The following CEP128 variants were observed in gnomAD, a reference collection of about 807,000 sequenced individuals.
The protein encoded by CEP128 is centrosomal protein 128.
A neutral mutation model predicts 156.7 loss-of-function variants in CEP128; 132 were observed. That is an observed-to-expected ratio of 0.84 (90% CI 0.73 to 0.97). The LOEUF (loss-of-function observed/expected upper bound fraction) is 0.97. CEP128 is among the 50% of genes least tolerant of loss of function. The pLI, the probability that CEP128 is intolerant of heterozygous loss-of-function variation, is 0.00. For synonymous variants in CEP128, 469 were observed against 448.9 expected (o/e 1.04, Z -0.57); for missense variants, 1,252 against 1,281.9 (o/e 0.98, Z 0.36).
upstream of CEP128, among the ~76,000 whole-genome samples, chr14:80,944,369 TAGTG>T (rs1415199865): frequency 1.3e-5 from 2 of 152,166 alleles, no homozygotes; most frequent in Non-Finnish European, 1.5e-5. Context: ...GTTCTCATGA[TAGTG>T]AGTGAGTTCT....
At chr14:80,656,872 T>C (rs971259987) in intron 19 of CEP128, among the ~76,000 whole-genome samples, 5 of 152,148 alleles carry the variant, frequency 3.3e-5, no homozygotes, top group Non-Finnish European at 7.4e-5. Flanking sequence ...CCTAATATGA[T>C]ATAAACAGAG....
chr14:80,907,916 A>G (rs1883983090), intron 4 of CEP128, among the ~76,000 whole-genome samples: 2 of 152,230 alleles, frequency 1.3e-5, no homozygotes, highest in African/African-American at 4.8e-5. Flanking sequence ...AAGTCACTAC[A>G]GTGATTTTGA....
chr14:80,481,510 C>T (rs1450725689), intron 14 of CEP128, among the ~76,000 whole-genome samples: 2 of 152,196 alleles, frequency 1.3e-5, no homozygotes, highest in Non-Finnish European at 2.9e-5. Flanking sequence ...GGTTTGGTCT[C>T]TCTTAGCATT....
At chr14:80,685,884 C>T (rs1896505625) in intron 19 of CEP128, among the ~76,000 whole-genome samples, 1 of 152,038 alleles carries the variant, frequency 6.6e-6, no homozygotes, top group African/African-American at 2.4e-5. Context: ...ATAAATGATG[C>T]TGGAACAGCT....
chr14:80,508,038 C>T (rs969948382), intron 23 of CEP128, among the ~76,000 whole-genome samples: 7 of 152,194 alleles, frequency 4.6e-5, no homozygotes, highest in African/African-American at 1.4e-4. Flanking sequence ...CCTCAGCCCC[C>T]GCTAGTAGCT....
intron 13 of CEP128, chr14:80,830,775 C>A: frequency 5.1e-6 from 1 of 197,564 alleles, no homozygotes; most frequent in Non-Finnish European, 1.0e-5. Flanking sequence ...TGCATTCTGC[C>A]AGTTTCACCC....
chr14:80,779,404 T>C (rs1900978378), intron 15 of CEP128, among the ~76,000 whole-genome samples: 1 of 152,230 alleles, frequency 6.6e-6, no homozygotes, highest in Non-Finnish European at 1.5e-5. Flanking sequence ...AGCAATCCTA[T>C]ATTCACAGCC....
intron 19 of CEP128, among the ~76,000 whole-genome samples, chr14:80,590,561 A>G (rs1414174272): frequency 6.6e-6 from 1 of 152,116 alleles, no homozygotes; most frequent in East Asian, 1.9e-4. Flanking sequence ...AAATTAAGAT[A>G]ATTTATTGTC....
At chr14:80,743,644 A>G (rs1399027263) in intron 18 of CEP128, among the ~76,000 whole-genome samples, 1 of 152,232 alleles carries the variant, frequency 6.6e-6, no homozygotes, top group Non-Finnish European at 1.5e-5. Flanking sequence ...TAAAAGAAGT[A>G]TTCCTTCAGA....
intron 2 of CEP128, among the ~76,000 whole-genome samples, chr14:80,918,834 C>G (rs1243173250): frequency 1.3e-5 from 2 of 152,032 alleles, no homozygotes; most frequent in Non-Finnish European, 2.9e-5. Flanking sequence ...AACTAAGTGA[C>G]ATATCTATAC....
intron 19 of CEP128, among the ~76,000 whole-genome samples, chr14:80,600,401 T>G (rs1025741438): frequency 5.3e-5 from 8 of 152,286 alleles, no homozygotes; most frequent in Admixed American, 3.9e-4. Context: ...AAAAGTGACT[T>G]ATCACATAGA....
intron 15 of CEP128, among the ~76,000 whole-genome samples, chr14:80,780,831 C>A (rs958002983): frequency 6.6e-5 from 10 of 152,146 alleles, no homozygotes; most frequent in African/African-American, 2.4e-4. Context: ...ATGCTAGACA[C>A]CATAAGAGGA....
chr14:80,937,154 C>T (rs1003454572), intron 2 of CEP128, among the ~76,000 whole-genome samples: 1 of 151,876 alleles, frequency 6.6e-6, no homozygotes, highest in African/African-American at 2.4e-5. Context: ...CTTGTCTCTA[C>T]AAAAAAATAA....
chr14:80,648,672 T>A (rs1208024644), intron 19 of CEP128, among the ~76,000 whole-genome samples: 1 of 152,118 alleles, frequency 6.6e-6, no homozygotes, highest in Non-Finnish European at 1.5e-5. Flanking sequence ...GTGAAGGATA[T>A]AAGAGTGGTA....
At chr14:80,878,497 T>C (rs1888385023) in intron 8 of CEP128, among the ~76,000 whole-genome samples, 2 of 152,198 alleles carry the variant, frequency 1.3e-5, no homozygotes, top group Admixed American at 6.5e-5. Flanking sequence ...TACTACCATA[T>C]CCCACCATCT....
intron 8 of CEP128, among the ~76,000 whole-genome samples, chr14:80,863,770 T>C (rs539251682): frequency 6.6e-6 from 1 of 152,288 alleles, no homozygotes; most frequent in South Asian, 2.1e-4. Flanking sequence ...ATTGGGGTCG[T>C]GTAAATGTTC....
rs543037862 is a variant in CEP128, at chr14:80,749,812, T to C, written c.2614-6545A>G. On this transcript the variant is annotated intron_variant, in intron 18 of 24. Transcript: ENST00000555265. ...CATAAGAAACAAGTGCTTAAGGTGA[T>C]AGATATCCCTTTTACAATGATGTGA... Among the ~76,000 whole-genome samples the C allele has an allele frequency of 8.5e-5, 13 of 152,350 alleles. No individual in the cohort carries two copies. The East Asian group carries it at 2.1e-3, about 25-fold the overall frequency.
chr14:80,605,835 T>TTTC (rs1184195125), intron 19 of CEP128, among the ~76,000 whole-genome samples: 1 of 152,040 alleles, frequency 6.6e-6, no homozygotes, highest in African/African-American at 2.4e-5. Context: ...TTTTAGTCCC[T>TTTC]TTCTATTAAT....
rs141285453 is a variant in CEP128 at position 80,912,045 on chromosome 14, C to T, written c.234+2277G>A. 3.0e-4 allele frequency among the ~76,000 whole-genome samples: 45 copies of T among 152,230 alleles called. No individual in the cohort carries two copies. The East Asian group carries it at 8.3e-3, about 28-fold the overall frequency. ...CATCCCGACCAACATGGTGAAACCC[C>T]ATCTCTACTAAAAATAGAAAAATTA... On this transcript the variant is annotated intron_variant, in intron 4 of 24. Coordinates refer to ENST00000555265, the MANE Select transcript of CEP128 (RefSeq NM_152446.5).
Sources: gnomAD v4.1 joint callset for allele counts (sites outside exome capture counted in the v4.1 genomes callset) on GRCh38, gnomAD v4.1.1 for gene constraint, MANE v1.5 for transcripts, NCBI Gene and HGNC (gene_info 2026-07-23, HGNC 2026-07-21) for gene names.